The following NECAB1 variants were observed in gnomAD, a reference collection of about 807,000 sequenced individuals.
The protein encoded by NECAB1 is N-terminal EF-hand calcium-binding protein 1.
In NECAB1, 29 loss-of-function variants were observed where a neutral mutation model predicts 57.5. The ratio of observed to expected loss-of-function variants is 0.50; its 90% CI spans 0.38 to 0.69. The LOEUF (loss-of-function observed/expected upper bound fraction) is 0.69. Ranked by LOEUF, NECAB1 falls within the 30% of genes least tolerant of loss-of-function variation. The pLI is 0.00. For missense variants in NECAB1, 372 were observed against 413.8 expected, an observed-to-expected ratio of 0.90 and a Z score of 0.88; for synonymous variants, 142 against 147.7, an observed-to-expected ratio of 0.96 and a Z score of 0.28.
intron 3 of NECAB1, among the ~76,000 whole-genome samples, chr8:90,843,410 A>G (rs553028570): frequency 1.3e-5 from 2 of 152,328 alleles, no homozygotes; most frequent in East Asian, 3.9e-4. Context: ...AAAGAGAAGG[A>G]TCTTTTTATG....
intron 3 of NECAB1, among the ~76,000 whole-genome samples, chr8:90,870,798 G>A (rs1400836176): frequency 6.6e-5 from 10 of 152,168 alleles, no homozygotes; most frequent in Admixed American, 6.5e-4. Context: ...ATACATCTGT[G>A]GCAGTTGGAA....
At chr8:90,833,086 T>A (rs1812317944) in intron 3 of NECAB1, among the ~76,000 whole-genome samples, 1 of 152,098 alleles carries the variant, frequency 6.6e-6, no homozygotes, top group Non-Finnish European at 1.5e-5. Context: ...AGTGTGGGAG[T>A]TGCTACAATG....
intron 9 of NECAB1, among the ~76,000 whole-genome samples, chr8:90,936,218 C>T (rs865865840): frequency 6.6e-6 from 1 of 152,076 alleles, no homozygotes; most frequent in Non-Finnish European, 1.5e-5. Context: ...ATGCCCAAAA[C>T]CAGTTTTAGA....
intron 12 of NECAB1, among the ~76,000 whole-genome samples, chr8:90,952,492 A>G (rs1424548910): frequency 6.6e-6 from 1 of 152,006 alleles, no homozygotes. Flanking sequence ...TATAAATGGG[A>G]GGAAGGCTGG....
chr8:90,872,863 A>G (rs887295835), intron 4 of NECAB1, among the ~76,000 whole-genome samples: 1 of 152,122 alleles, frequency 6.6e-6, no homozygotes, highest in African/African-American at 2.4e-5. Context: ...TTTAAGTTCG[A>G]TCTTATTGTC....
chr8:90,909,710 C>G (rs887812419), intron 5 of NECAB1, among the ~76,000 whole-genome samples: 1 of 151,984 alleles, frequency 6.6e-6, no homozygotes, highest in African/African-American at 2.4e-5. Flanking sequence ...GTCATTTGCT[C>G]TATATGTCTC....
chr8:90,935,459 C>G (rs1810513816), intron 9 of NECAB1, among the ~76,000 whole-genome samples: 1 of 152,038 alleles, frequency 6.6e-6, no homozygotes, highest in Non-Finnish European at 1.5e-5. Flanking sequence ...CCTCAAGACC[C>G]CAACATTTTA....
At chr8:90,923,017 A>G (rs899031016) in intron 6 of NECAB1, among the ~76,000 whole-genome samples, 1 of 152,194 alleles carries the variant, frequency 6.6e-6, no homozygotes, top group Non-Finnish European at 1.5e-5. Flanking sequence ...GTGGAAATTG[A>G]TTTAGAAGCT....
intron 4 of NECAB1, among the ~76,000 whole-genome samples, chr8:90,878,872 A>G (rs1340804010): frequency 1.3e-5 from 2 of 150,988 alleles, no homozygotes; most frequent in East Asian, 3.9e-4. Flanking sequence ...CCAAATGTCC[A>G]TGAATGAAAT....
At chr8:90,881,417 C>T (rs1252306971) in intron 5 of NECAB1, among the ~76,000 whole-genome samples, 3 of 152,088 alleles carry the variant, frequency 2.0e-5, no homozygotes, top group African/African-American at 7.2e-5. Flanking sequence ...GGATCTTGTC[C>T]CTCCCCAAAT....
rs1808952595 is a variant in NECAB1 at position 90,885,301 on chromosome 8, C to T, written c.357+4171C>T. Among the ~76,000 whole-genome samples, 4 of 152,260 alleles carry T rather than the reference C, an allele frequency of 2.6e-5. No individual in the cohort carries two copies. In the South Asian group the frequency reaches 8.3e-4, roughly 32 times the overall value. ...AATGTCTGGGCAGGCTCAAGACTTG[C>T]ACTGGCACCTACCTGGCAATCATGT... On this transcript the variant is annotated intron_variant, in intron 5 of 12. Coordinates refer to ENST00000417640, the MANE Select transcript of NECAB1 (RefSeq NM_022351.5).
intron 6 of NECAB1, 59 bp downstream of exon 6, chr8:90,917,687 A>T (rs990327292): frequency 2.0e-6 from 3 of 1,488,082 alleles, no homozygotes; most frequent in African/African-American, 2.8e-5. Context: ...TGAAAAAACA[A>T]TTGAGAGGCA....
intron 2 of NECAB1, among the ~76,000 whole-genome samples, chr8:90,815,510 C>T (rs1812047698): frequency 6.6e-6 from 1 of 151,854 alleles, no homozygotes; most frequent in Admixed American, 6.6e-5. Context: ...AAATAGTTTA[C>T]CTACCTTCAA....
At chr8:90,834,098 G>T (rs958727494) in intron 3 of NECAB1, among the ~76,000 whole-genome samples, 1 of 149,084 alleles carries the variant, frequency 6.7e-6, no homozygotes, top group Non-Finnish European at 1.5e-5. Context: ...AGCAGGTGGC[G>T]GTTGCAGTGA....
intron 3 of NECAB1, among the ~76,000 whole-genome samples, chr8:90,850,768 T>C (rs575473352): frequency 1.1e-4 from 16 of 152,354 alleles, no homozygotes; most frequent in African/African-American, 2.4e-4. Flanking sequence ...AATTAAAATA[T>C]ATAGTTGATC....
chr8:90,945,311 C>T (rs565365991), intron 10 of NECAB1, among the ~76,000 whole-genome samples: 1 of 152,258 alleles, frequency 6.6e-6, no homozygotes, highest in Admixed American at 6.5e-5. Context: ...CGTGATCCGC[C>T]CGCCTCAGTC....
intron 5 of NECAB1, 97 bp downstream of exon 5, chr8:90,881,227 T>C (rs542727345): frequency 2.6e-6 from 2 of 782,038 alleles, no homozygotes; most frequent in East Asian, 2.8e-5. Context: ...GATTCTTTAT[T>C]ATCACTGATA....
Position 90,861,515 on chromosome 8 carries a change from C to G in NECAB1, c.234-10613C>G, listed in dbSNP as rs79244369. On this transcript the variant is annotated intron_variant, in intron 3 of 12. Transcript: ENST00000417640. ...CCGTCCTCTCCTGATGAAAAGTAATCAATTCCATATGGTTAAGAGTAAAGG... is the reference window on the plus strand; with the variant it reads ...CCGTCCTCTCCTGATGAAAAGTAATGAATTCCATATGGTTAAGAGTAAAGG... Among the ~76,000 whole-genome samples, 1,394 of 152,234 alleles carry G rather than the reference C, an allele frequency of 9.2e-3. 20 individuals carry two copies. Among genetic ancestry groups the G allele is most frequent in the African/African-American group, 0.031 (1,306 of 41,546 alleles).
At chr8:90,874,097 T>C (rs1808668442) in intron 4 of NECAB1, among the ~76,000 whole-genome samples, 1 of 152,236 alleles carries the variant, frequency 6.6e-6, no homozygotes, top group African/African-American at 2.4e-5. Context: ...TGTCATTTCA[T>C]TTCTCATTAT....
Sources: allele counts gnomAD v4.1 joint callset (sites outside exome capture counted in the v4.1 genomes callset), GRCh38; gene constraint gnomAD v4.1.1; transcripts MANE v1.5; gene names NCBI Gene and HGNC (gene_info 2026-07-23, HGNC 2026-07-21).